Variants in MAST4 observed in about 807,000 individuals in gnomAD.
The protein encoded by MAST4 is microtubule associated serine/threonine kinase family member 4.
In MAST4, 89 loss-of-function variants were observed where a neutral mutation model predicts 162.7. That is an observed-to-expected ratio of 0.55 (90% CI 0.46 to 0.65). MAST4 has a LOEUF of 0.65. Ranked by LOEUF, MAST4 falls within the 30% of genes least tolerant of loss-of-function variation. MAST4 has a pLI of 0.00. For missense variants in MAST4, 3,153 were observed against 3,374.0 expected (o/e 0.93, Z 1.62); for synonymous variants, 1,479 against 1,361.1 (o/e 1.09, Z -1.91).
chr5:66,838,513 T>C (rs756280107), intron 3 of MAST4, among the ~76,000 whole-genome samples: 2 of 152,216 alleles, frequency 1.3e-5, no homozygotes, highest in Non-Finnish European at 2.9e-5. Context: ...ATGAGTGGAA[T>C]ATGACACTGA....
At chr5:66,632,655 TC>T (rs1744862113) in intron 1 of MAST4, among the ~76,000 whole-genome samples, 1 of 152,184 alleles carries the variant, frequency 6.6e-6, no homozygotes, top group Admixed American at 6.5e-5. Context: ...GTGAGCTCTC[TC>T]TGTGTGTATG....
chr5:67,016,365 C>A (rs976374055), intron 4 of MAST4, among the ~76,000 whole-genome samples: 3 of 152,168 alleles, frequency 2.0e-5, no homozygotes, highest in African/African-American at 7.2e-5. Context: ...GCTCCAACAA[C>A]ATTCTAATTA....
intron 4 of MAST4, among the ~76,000 whole-genome samples, chr5:66,929,426 T>C (rs182143626): frequency 2.0e-5 from 3 of 152,302 alleles, no homozygotes; most frequent in Admixed American, 6.5e-5. Flanking sequence ...TGGACTCATA[T>C]GTCAATCAGT....
At chr5:67,078,000 G>A (rs563158510) in intron 5 of MAST4, among the ~76,000 whole-genome samples, 14 of 152,266 alleles carry the variant, frequency 9.2e-5, no homozygotes, top group Admixed American at 3.3e-4. Context: ...TAGGGAGGCT[G>A]AGGCAGGAGA....
chr5:66,977,605 C>T (rs1748311438), intron 4 of MAST4, among the ~76,000 whole-genome samples: 1 of 152,090 alleles, frequency 6.6e-6, no homozygotes, highest in Admixed American at 6.5e-5. Context: ...CCCATAAATC[C>T]CTCATAATAG....
At chr5:66,912,437 A>G (rs1250465027) in intron 4 of MAST4, among the ~76,000 whole-genome samples, 1 of 152,244 alleles carries the variant, frequency 6.6e-6, no homozygotes, top group African/African-American at 2.4e-5. Flanking sequence ...ATTAACTTAA[A>G]TGCTAAAACC....
intron 2 of MAST4, among the ~76,000 whole-genome samples, chr5:66,774,831 G>A (rs1219411950): frequency 1.3e-5 from 2 of 152,170 alleles, no homozygotes; most frequent in Non-Finnish European, 2.9e-5. Context: ...ATGTAGGTAT[G>A]CATCCTGTAT....
At chr5:66,964,719 C>G (rs375238224) in intron 4 of MAST4, among the ~76,000 whole-genome samples, 3 of 152,150 alleles carry the variant, frequency 2.0e-5, no homozygotes, top group African/African-American at 7.2e-5. Context: ...GGGAGAATGG[C>G]GTGAACTCGG....
intron 1 of MAST4, among the ~76,000 whole-genome samples, chr5:66,720,196 G>C (rs1367243908): frequency 6.6e-6 from 1 of 151,880 alleles, no homozygotes; most frequent in Non-Finnish European, 1.5e-5. Context: ...TGGAATGTTG[G>C]TATTTAACAA....
intron 2 of MAST4, among the ~76,000 whole-genome samples, chr5:66,785,571 A>G (rs1033767621): frequency 6.6e-6 from 1 of 152,136 alleles, no homozygotes. Context: ...TACGATTGTT[A>G]GGATGTTGCA....
chr5:66,873,571 T>C (rs1761091893), intron 3 of MAST4, among the ~76,000 whole-genome samples: 1 of 152,206 alleles, frequency 6.6e-6, no homozygotes, highest in Admixed American at 6.5e-5. Context: ...AATGGCAATA[T>C]GATATGGTGC....
chr5:67,026,913 A>G (rs1115252), intron 4 of MAST4, among the ~76,000 whole-genome samples: 49,740 of 151,994 alleles, frequency 0.33, 10,040 homozygotes, highest in African/African-American at 0.56. Flanking sequence ...TGAAAGAGAA[A>G]CTCTTTGAAA....
chr5:67,010,584 A>G (rs1752551036), intron 4 of MAST4, among the ~76,000 whole-genome samples: 1 of 152,208 alleles, frequency 6.6e-6, no homozygotes, highest in Non-Finnish European at 1.5e-5. Flanking sequence ...CATCTGAGAA[A>G]TACATCAGAT....
chr5:66,932,426 C>T (rs1408418594), intron 4 of MAST4, among the ~76,000 whole-genome samples: 1 of 152,078 alleles, frequency 6.6e-6, no homozygotes, highest in African/African-American at 2.4e-5. Flanking sequence ...ACTGAGATCT[C>T]AAGGCTACCC....
chr5:66,597,111 T>C (rs1742232254), intron 1 of MAST4, 93 bp downstream of exon 1: 1 of 1,277,324 alleles, frequency 7.8e-7, no homozygotes, highest in South Asian at 2.6e-5. Flanking sequence ...AGGAGAGCGC[T>C]GTGGCCTGGA....
intron 4 of MAST4, among the ~76,000 whole-genome samples, chr5:66,997,053 T>C (rs1351525633): frequency 6.6e-6 from 1 of 152,236 alleles, no homozygotes; most frequent in Non-Finnish European, 1.5e-5. Flanking sequence ...TATGCTATTA[T>C]AAGCAATTCT....
At chr5:66,967,483 G>A (rs144000099) in intron 4 of MAST4, among the ~76,000 whole-genome samples, 1 of 152,094 alleles carries the variant, frequency 6.6e-6, no homozygotes, top group Admixed American at 6.5e-5. Flanking sequence ...GGAGGTTGTG[G>A]TAAGACAAAT....
At chr5:66,964,782 G>A (rs556610955) in intron 4 of MAST4, among the ~76,000 whole-genome samples, 1 of 152,310 alleles carries the variant, frequency 6.6e-6, no homozygotes, top group East Asian at 1.9e-4. Flanking sequence ...CAGCCTGGGC[G>A]AAAGAGTGAG....
intron 19 of MAST4, among the ~76,000 whole-genome samples, chr5:67,141,591 C>A (rs1241356941): frequency 6.6e-6 from 1 of 152,170 alleles, no homozygotes; most frequent in African/African-American, 2.4e-5. Flanking sequence ...TTCCTACTTA[C>A]AAATCTGTAA....
Sources: allele counts gnomAD v4.1 joint callset (sites outside exome capture counted in the v4.1 genomes callset), GRCh38; gene constraint gnomAD v4.1.1; transcripts MANE v1.5; gene names NCBI Gene and HGNC (gene_info 2026-07-23, HGNC 2026-07-21).